SACS: variants seen among roughly 807,000 people sequenced by gnomAD.
SACS encodes sacsin.
A neutral mutation model predicts 348.0 loss-of-function variants in SACS; 197 were observed. The observed-to-expected ratio is 0.57, with a 90% confidence interval of 0.50 to 0.64. The LOEUF (loss-of-function observed/expected upper bound fraction) is 0.64, where lower values mean the gene tolerates loss of function less well. SACS is among the 30% of genes least tolerant of loss of function. The probability of loss-of-function intolerance (pLI) is 0.00; values close to 1 mark genes in which losing one functional copy is unlikely to be tolerated. For missense variants in SACS, 4,999 were observed against 5,360.8 expected (o/e 0.93, Z 2.11); for synonymous variants, 1,985 against 1,910.6 (o/e 1.04, Z -1.02).
intron 1 of SACS, among the ~76,000 whole-genome samples, chr13:23,425,090 A>T (rs903766126): frequency 1.3e-5 from 2 of 151,962 alleles, no homozygotes; most frequent in South Asian, 4.2e-4. Context: ...CCTGATGTCC[A>T]TCTGGACACT....
chr13:23,371,192 G>A, intron 3 of SACS, 27 bp from the exon 4 acceptor site: 1 of 1,464,156 alleles, frequency 6.8e-7, no homozygotes, highest in Non-Finnish European at 9.6e-7. Flanking sequence ...GAAAATGTAT[G>A]AAAAGCAATA....
chr13:23,340,326 G>A lies in SACS; in HGVS notation c.3550C>T (p.Pro1184Ser), dbSNP rs200831217. 9.2e-5 allele frequency: 149 copies of A among 1,613,986 alleles called. No individual in the cohort carries two copies. The highest frequency in any genetic ancestry group is 1.3e-4 in the Non-Finnish European group (149 of 1,179,964). Residue 1184 changes from proline (P) to serine (S), a missense_variant, in exon 10 of 10, where the codon CCA (proline) becomes TCA (serine). Coordinates refer to ENST00000382292, the MANE Select transcript of SACS (RefSeq NM_014363.6). ...KGDLCNLCAPPDMCDVGHAIL... is the reference protein window; with the variant it reads ...KGDLCNLCAPSDMCDVGHAIL... ...GCATGGCCTACATCACACATATCTG[G>A]TGGTGCACAGAGATTACAGAGATCT...
At chr13:23,423,415 A>G (rs1177142538) in intron 1 of SACS, among the ~76,000 whole-genome samples, 4 of 152,138 alleles carry the variant, frequency 2.6e-5, no homozygotes, top group Admixed American at 6.5e-5. Context: ...ATATACAACT[A>G]TCTATCACTA....
Position 23,334,566 on chromosome 13 carries a change from T to G in SACS, c.9310A>C (p.Thr3104Pro). 6.2e-7 allele frequency: 1 copy of G among 1,613,482 alleles called. No homozygotes were observed. Among genetic ancestry groups the G allele is most frequent in the Non-Finnish European group, 8.5e-7 (1 of 1,179,728 alleles). The change falls in exon 10 of 10, where the codon ACA becomes CCA. Residue 3104 changes from threonine to proline, a missense_variant. Thr to Pro is a conservative substitution (Grantham distance 38, BLOSUM62 -1). Transcript: ENST00000382292. ...CAATTAGTGTCAGGAGAGGAAAATG[T>G]CATTAAAAAAGATCTGATATCAGCA... ...TPADIRSFLM[T>P]FSSPDTNCHI...
At position 23,375,180 on chromosome 13, in the gene SACS, C is replaced by T. The variant is rs866539724; in HGVS notation, c.110G>A (p.Arg37His). 6.6e-6 allele frequency: 10 copies of T among 1,505,904 alleles called. No individual in the cohort carries two copies. In the Admixed American group the frequency reaches 1.8e-4, roughly 27 times the overall value. The allele number at this position is 1,505,904 out of a possible 1,614,324, so 93.3% of individuals were successfully genotyped here. A position where few individuals can be genotyped will look rare whatever the true frequency, so the allele number is the denominator to read the frequency against. ...CGGGAAGCCAGTCTCCGCGAAGATA[C>T]GTTCCTTCACATCGCGCACGGTCCA... Reference protein sequence around the residue: ...ASWTVRDVKERIFAETGFPVS... With the variant: ...ASWTVRDVKEHIFAETGFPVS... The change falls in exon 3 of 10, where the codon CGT becomes CAT. Residue 37 changes from arginine (R) to histidine (H), a missense_variant. Arg to His is a conservative substitution (Grantham distance 29, BLOSUM62 0). Coordinates refer to ENST00000382292, the MANE Select transcript of SACS (RefSeq NM_014363.6).
At chr13:23,360,707 T>C (rs1870676961) in intron 6 of SACS, among the ~76,000 whole-genome samples, 3 of 151,952 alleles carry the variant, frequency 2.0e-5, no homozygotes, top group South Asian at 2.1e-4. Context: ...TAAGTAAGTG[T>C]TTTGCATGAA....
At position 23,353,864 on chromosome 13, in the gene SACS, T is replaced by C. The variant is rs773351932; in HGVS notation, c.2106A>G (p.Pro702=). The C allele has an allele frequency of 5.0e-6, 8 of 1,598,992 alleles. No individual in the cohort carries two copies. The highest frequency in any genetic ancestry group is 2.2e-5 in the South Asian group (2 of 90,692). The change falls in exon 9 of 10, where the codon CCA becomes CCG. Residue 702 remains proline, a synonymous_variant. Transcript: ENST00000382292. ...CCAAAATAAATCTTCCTTCAAGACT[T>C]GGGAAAAGGGACCTGAAAAGGGAAA... ...TSAEYPRSLF[P]SLEGRFILDN...
At position 23,354,871 on chromosome 13, in the gene SACS, C is replaced by T; in HGVS notation, c.1741G>A (p.Asp581Asn). 6.2e-7 allele frequency: 1 copy of T among 1,614,194 alleles called. No individual in the cohort carries two copies. The highest frequency in any genetic ancestry group is 8.5e-7 in the Non-Finnish European group (1 of 1,180,050). The stretch of plus-strand genomic sequence containing the variant: ...GTTTTTGTGTATTCTAAATTTTCAT[C>T]AAGTTCTGAGAAGTACACCTGCTCC... ...RLEQVYFSELDENLEYTKTVL... is the reference protein window; with the variant it reads ...RLEQVYFSELNENLEYTKTVL... The change falls in exon 8 of 10, where the codon GAT becomes AAT. Residue 581 changes from aspartate (D) to asparagine (N), a missense_variant. Coordinates refer to ENST00000382292, the MANE Select transcript of SACS (RefSeq NM_014363.6).
At chr13:23,399,224 T>C (rs753672066) in intron 2 of SACS, among the ~76,000 whole-genome samples, 5 of 152,026 alleles carry the variant, frequency 3.3e-5, no homozygotes, top group Non-Finnish European at 7.4e-5. Context: ...CCCAAACTCC[T>C]CCCTGTCAGA....
chr13:23,360,311 T>C (rs1228784665), intron 6 of SACS, among the ~76,000 whole-genome samples: 5 of 150,906 alleles, frequency 3.3e-5, no homozygotes, highest in Non-Finnish European at 7.4e-5. Flanking sequence ...ATCTTGTTCC[T>C]ACCCAACAGC....
At chr13:23,416,776 G>A (rs1364111521) in intron 1 of SACS, among the ~76,000 whole-genome samples, 1 of 151,716 alleles carries the variant, frequency 6.6e-6, no homozygotes, top group Non-Finnish European at 1.5e-5. Flanking sequence ...AAAGTAGAAG[G>A]GAACTTTTTT....
rs1248189152 is a variant in SACS at position 23,355,806 on chromosome 13, G to T, written c.806C>A (p.Thr269Lys). ...TAGGCGAAGAGGGAAACGGAAAAAT[G>T]TTCCTGGAAAATTGCCGTTTATAAA... Reference protein sequence around the residue: ...ETFINGNFPGTFFRFPLRLQP... With the variant: ...ETFINGNFPGKFFRFPLRLQP... The change falls in exon 8 of 10, where the codon ACA becomes AAA. Residue 269 changes from threonine to lysine, a missense_variant. By Grantham distance (78) the Thr-to-Lys change is moderately conservative. Coordinates refer to ENST00000382292, the MANE Select transcript of SACS (RefSeq NM_014363.6). 6.2e-7 allele frequency: 1 copy of T among 1,614,192 alleles called. No homozygotes were observed. Among genetic ancestry groups the T allele is most frequent in the Non-Finnish European group, 8.5e-7 (1 of 1,180,028 alleles).
chr13:23,339,939 T>G lies in SACS; in HGVS notation c.3937A>C (p.Lys1313Gln). ...YLHNVPKTMA[K>Q]FHQLFKVCGS... Reference sequence around the variant, plus strand: ...CAGACCTTAAATAGTTGGTGGAATTTTGCCATGGTTTTAGGTACATTATGC... The same window carrying G: ...CAGACCTTAAATAGTTGGTGGAATTGTGCCATGGTTTTAGGTACATTATGC... Residue 1313 changes from lysine (K) to glutamine (Q), a missense_variant, in exon 10 of 10, where the codon AAA becomes CAA. Physicochemically the swap from Lys to Gln is moderately conservative, Grantham distance 53. Transcript: ENST00000382292. 6.2e-7 allele frequency: 1 copy of G among 1,614,098 alleles called. No individual in the cohort carries two copies. The highest frequency in any genetic ancestry group is 8.5e-7 in the Non-Finnish European group (1 of 1,179,990).
Position 23,330,651 on chromosome 13 carries a change from T to C in SACS, c.13225A>G (p.Lys4409Glu), listed in dbSNP as rs775817492. 3 of 1,614,082 alleles carry C rather than the reference T, an allele frequency of 1.9e-6. No individual in the cohort carries two copies. Among genetic ancestry groups the C allele is most frequent in the Non-Finnish European group, 1.7e-6 (2 of 1,179,990 alleles). ...TSWNQEATSHKSERQQQNKEK... is the reference protein window; with the variant it reads ...TSWNQEATSHESERQQQNKEK... ...TTGTTCTGTTGCTGTCTTTCAGATT[T>C]ATGGCTCGTTGCTTCTTGATTCCAT... Residue 4409 changes from lysine (K) to glutamate (E), a missense_variant, in exon 10 of 10, where the codon AAA (lysine) becomes GAA (glutamate). By Grantham distance (56) the Lys-to-Glu change is moderately conservative. Transcript: ENST00000382292.
chr13:23,341,012 T>C lies in SACS; in HGVS notation c.2864A>G (p.Lys955Arg), dbSNP rs766759309. ...AGAAAGTCGCAGATCTGCTGGGAGT[T>C]TGGCAGTATGGTGTAAGACTTTACA... Reference protein sequence around the residue: ...KGCKVLHHTAKLPADLRLSIS... With the variant: ...KGCKVLHHTARLPADLRLSIS... The change falls in exon 10 of 10, where the codon AAA (lysine) becomes AGA (arginine). Residue 955 changes from lysine to arginine, a missense_variant. Around this residue, in one of 6 missense-constraint regions of SACS, gnomAD observed 3,156 missense variants for 3,380.1 expected, o/e 0.93. Coordinates refer to ENST00000382292, the MANE Select transcript of SACS (RefSeq NM_014363.6). 6.2e-7 allele frequency: 1 copy of C among 1,614,122 alleles called. No individual in the cohort carries two copies. The highest frequency in any genetic ancestry group is 8.5e-7 in the Non-Finnish European group (1 of 1,179,986).
chr13:23,381,518 C>T (rs1872060210), intron 2 of SACS, among the ~76,000 whole-genome samples: 1 of 152,018 alleles, frequency 6.6e-6, no homozygotes, highest in African/African-American at 2.4e-5. Flanking sequence ...GAGATATATA[C>T]CTTCAGCAAA....
At chr13:23,376,845 A>G (rs1413290164) in intron 2 of SACS, among the ~76,000 whole-genome samples, 4 of 152,218 alleles carry the variant, frequency 2.6e-5, no homozygotes, top group African/African-American at 9.6e-5. Context: ...TGAGGTCAGG[A>G]GTTCGAGACC....
intron 2 of SACS, among the ~76,000 whole-genome samples, chr13:23,391,266 T>C (rs1389742777): frequency 3.3e-5 from 5 of 152,230 alleles, no homozygotes; most frequent in Non-Finnish European, 7.3e-5. Flanking sequence ...AAAGGATTAC[T>C]GTCAATTCTG....
At chr13:23,354,392 G>A in intron 8 of SACS, 127 bp downstream of exon 8, 1 of 762,622 alleles carries the variant, frequency 1.3e-6, no homozygotes. Flanking sequence ...ATGTATTTCT[G>A]CAAAAGTCTT....
Sources: gnomAD v4.1 joint callset for allele counts (sites outside exome capture counted in the v4.1 genomes callset) on GRCh38, gnomAD v4.1.1 for gene constraint, gnomAD v4.1.1 regional missense constraint, MANE v1.5 for transcripts, NCBI Gene and HGNC (gene_info 2026-07-23, HGNC 2026-07-21) for gene names.